Variants in SCEL observed in about 807,000 individuals in gnomAD.
The protein encoded by SCEL is sciellin.
Under a neutral mutation model 117.6 loss-of-function variants are expected in SCEL, and 113 were observed. That is an observed-to-expected ratio of 0.96 (90% CI 0.83 to 1.12). SCEL has a LOEUF of 1.12. Ranked by LOEUF, SCEL falls within the 50% of genes most tolerant of loss-of-function variation. SCEL has a pLI of 0.00. For synonymous variants in SCEL, 270 were observed against 256.2 expected, an observed-to-expected ratio of 1.05 and a Z score of -0.51; for missense variants, 785 against 810.8, an observed-to-expected ratio of 0.97 and a Z score of 0.39.
At chr13:77,605,355 A>G (rs1411601785) in intron 19 of SCEL, among the ~76,000 whole-genome samples, 1 of 152,186 alleles carries the variant, frequency 6.6e-6, no homozygotes, top group African/African-American at 2.4e-5. Flanking sequence ...ACCGCGACCC[A>G]ATGAATTCAA....
At position 77,619,895 on chromosome 13, in the gene SCEL, T is replaced by C. The variant is rs148210493; in HGVS notation, c.1628+1835T>C. Among the ~76,000 whole-genome samples the C allele has an allele frequency of 1.3e-3, 198 of 152,264 alleles. 2 individuals are homozygous for C. The East Asian group carries it at 0.034, about 26-fold the overall frequency. ...CCAACCCCTTTCCTCCCTCAGTCCC[T>C]CTGACAATTGTGCTTTGTTGACAAT... On this transcript the variant is annotated intron_variant, in intron 27 of 32. Transcript: ENST00000349847.
intron 19 of SCEL, 137 bp from the exon 20 acceptor site, chr13:77,607,919 A>G: frequency 1.8e-6 from 1 of 565,796 alleles, no homozygotes; most frequent in Non-Finnish European, 3.1e-6. Flanking sequence ...CACAATCTTC[A>G]GTCTTCAACT....
chr13:77,598,792 C>T (rs1017239593), intron 13 of SCEL, among the ~76,000 whole-genome samples: 1 of 152,212 alleles, frequency 6.6e-6, no homozygotes, highest in African/African-American at 2.4e-5. Flanking sequence ...AAGCAATCTT[C>T]CCACCTCAAC....
chr13:77,598,118 C>T (rs543367059), intron 13 of SCEL, among the ~76,000 whole-genome samples: 12 of 152,208 alleles, frequency 7.9e-5, no homozygotes, highest in East Asian at 7.7e-4. Context: ...TGTGCCACCA[C>T]GTGTGGCTAA....
intron 3 of SCEL, among the ~76,000 whole-genome samples, chr13:77,558,738 C>T (rs1045162562): frequency 1.3e-5 from 2 of 150,048 alleles, no homozygotes; most frequent in Admixed American, 6.7e-5. Flanking sequence ...ATTGCTTGAA[C>T]CGAGGAGGCA....
intron 1 of SCEL, among the ~76,000 whole-genome samples, chr13:77,536,273 AT>A (rs1021447101): frequency 1.3e-5 from 2 of 152,220 alleles, no homozygotes; most frequent in African/African-American, 2.4e-5. Flanking sequence ...AGTCATATTT[AT>A]TTTTTTCTCT....
intron 9 of SCEL, among the ~76,000 whole-genome samples, chr13:77,578,483 G>A (rs1428151127): frequency 6.6e-6 from 1 of 152,108 alleles, no homozygotes; most frequent in African/African-American, 2.4e-5. Context: ...CCCAAACGTT[G>A]GAGAATATGA....
chr13:77,637,415 T>TATATATACATATATAAATAA (rs2090355899), intron 30 of SCEL, among the ~76,000 whole-genome samples: 1 of 10,648 alleles, frequency 9.4e-5, no homozygotes, highest in African/African-American at 1.4e-4. Context: ...TATAAATAAA[T>TATATATACATATATAAATAA]ATATATATAT....
intron 27 of SCEL, among the ~76,000 whole-genome samples, chr13:77,621,928 T>C (rs2089446714): frequency 6.6e-6 from 1 of 152,206 alleles, no homozygotes; most frequent in African/African-American, 2.4e-5. Context: ...AATACCCAAA[T>C]TGCCTAACTG....
At chr13:77,582,707 C>T (rs2086332096) in intron 9 of SCEL, among the ~76,000 whole-genome samples, 1 of 151,988 alleles carries the variant, frequency 6.6e-6, no homozygotes, top group Non-Finnish European at 1.5e-5. Flanking sequence ...TTTTGAGAGC[C>T]AAAGTGTTTT....
chr13:77,597,486 A>T, intron 12 of SCEL, 59 bp from the exon 13 acceptor site: 1 of 957,266 alleles, frequency 1.0e-6, no homozygotes, highest in South Asian at 1.5e-5. Flanking sequence ...AGGCAAATTT[A>T]CCCTTTGACC....
chr13:77,569,230 G>T, intron 7 of SCEL, 141 bp from the exon 8 acceptor site: 2 of 607,432 alleles, frequency 3.3e-6, no homozygotes, highest in African/African-American at 1.9e-5. Flanking sequence ...GAAGATTTTT[G>T]GCTGTTTTTC....
At chr13:77,568,215 C>A in intron 6 of SCEL, 80 bp from the exon 7 acceptor site, 1 of 890,672 alleles carries the variant, frequency 1.1e-6, no homozygotes, top group South Asian at 1.5e-5. Flanking sequence ...TTTTAAAACT[C>A]TAAATTCAGG....
intron 5 of SCEL, among the ~76,000 whole-genome samples, chr13:77,566,100 C>T (rs956908956): frequency 1.3e-5 from 2 of 152,116 alleles, no homozygotes; most frequent in African/African-American, 4.8e-5. Context: ...CATTGATAGA[C>T]TTATTCCCCG....
intron 11 of SCEL, among the ~76,000 whole-genome samples, chr13:77,593,300 G>GTGCGCGCGCGGC (rs1555510800): frequency 6.9e-6 from 1 of 145,148 alleles, no homozygotes; most frequent in Non-Finnish European, 1.5e-5. Flanking sequence ...GTGTGTGTCT[G>GTGCGCGCGCGGC]TGTGTGTGTG....
At chr13:77,643,671 T>C (rs1187143352) in intron 32 of SCEL, among the ~76,000 whole-genome samples, 2 of 152,160 alleles carry the variant, frequency 1.3e-5, no homozygotes, top group Non-Finnish European at 2.9e-5. Context: ...AAATGTGTGA[T>C]ATTAATGAGC....
intron 9 of SCEL, among the ~76,000 whole-genome samples, chr13:77,572,658 G>A (rs941638278): frequency 6.6e-5 from 10 of 152,142 alleles, no homozygotes; most frequent in Admixed American, 3.3e-4. Context: ...TGACCTGATC[G>A]CTGCCTTCAT....
intron 9 of SCEL, among the ~76,000 whole-genome samples, chr13:77,574,732 G>A (rs2085837490): frequency 6.6e-6 from 1 of 152,080 alleles, no homozygotes; most frequent in Non-Finnish European, 1.5e-5. Flanking sequence ...TGTTCCCAGA[G>A]GAGCCCAAAG....
At chr13:77,569,507 A>G in intron 8 of SCEL, 56 bp downstream of exon 8, 1 of 1,356,946 alleles carries the variant, frequency 7.4e-7, no homozygotes, top group Non-Finnish European at 1.0e-6. Flanking sequence ...AGACTGCATT[A>G]GAAAGCTTCC....
Sources: allele counts gnomAD v4.1 joint callset (sites outside exome capture counted in the v4.1 genomes callset), GRCh38; gene constraint gnomAD v4.1.1; transcripts MANE v1.5; gene names NCBI Gene and HGNC (gene_info 2026-07-23, HGNC 2026-07-21).